Variants in SORCS1 observed in about 807,000 individuals in gnomAD.
The protein encoded by SORCS1 is VPS10 domain-containing receptor SorCS1.
SORCS1 carries 60 observed loss-of-function variants against 146.1 expected under a neutral mutation model. That is an observed-to-expected ratio of 0.41 (90% CI 0.33 to 0.51). The LOEUF (loss-of-function observed/expected upper bound fraction) is 0.51. SORCS1 is among the 20% of genes least tolerant of loss of function. SORCS1 has a pLI of 0.21. For synonymous variants in SORCS1, 637 were observed against 584.0 expected, an observed-to-expected ratio of 1.09 and a Z score of -1.31; for missense variants, 1,352 against 1,487.6, an observed-to-expected ratio of 0.91 and a Z score of 1.50.
At chr10:107,076,523 C>T (rs554908591) in intron 1 of SORCS1, among the ~76,000 whole-genome samples, 2 of 152,226 alleles carry the variant, frequency 1.3e-5, no homozygotes, top group Admixed American at 1.3e-4. Flanking sequence ...AATGTTTAAA[C>T]AAATTTTAAT....
At chr10:107,152,876 G>A (rs1262576447) in intron 1 of SORCS1, among the ~76,000 whole-genome samples, 1 of 151,902 alleles carries the variant, frequency 6.6e-6, no homozygotes, top group African/African-American at 2.4e-5. Context: ...CTCCTGCTTT[G>A]TTTATATGCC....
At chr10:106,678,237 G>A (rs924233561) in intron 12 of SORCS1, among the ~76,000 whole-genome samples, 37 of 152,110 alleles carry the variant, frequency 2.4e-4, no homozygotes, top group Non-Finnish European at 2.4e-4. Flanking sequence ...CCTTGCTTGC[G>A]GTGTTGGAAA....
chr10:106,616,048 C>A (rs1847337463), intron 21 of SORCS1, among the ~76,000 whole-genome samples: 1 of 152,174 alleles, frequency 6.6e-6, no homozygotes, highest in Non-Finnish European at 1.5e-5. Context: ...GCAAAGTCTT[C>A]ATCAATGTCA....
intron 1 of SORCS1, among the ~76,000 whole-genome samples, chr10:107,049,569 T>C (rs1959912478): frequency 6.6e-6 from 1 of 152,298 alleles, no homozygotes; most frequent in East Asian, 1.9e-4. Context: ...ACATTTCTAT[T>C]ACTGGGAAAC....
chr10:106,679,303 C>A lies in SORCS1; in HGVS notation c.1693G>T (p.Asp565Tyr). 2 of 1,613,340 alleles carry A rather than the reference C, an allele frequency of 1.2e-6. No homozygotes were observed. Among genetic ancestry groups the A allele is most frequent in the South Asian group, 2.2e-5 (2 of 90,992 alleles). ...GNIGSELSDT[D>Y]ISMFVSSDAG... ...TCTGAAGAGACAAACATGCTGATGTCAGTGTCTGACAATTCAGAACCTATA... is the reference window on the plus strand; with the variant it reads ...TCTGAAGAGACAAACATGCTGATGTAAGTGTCTGACAATTCAGAACCTATA... The change falls in exon 12 of 26, where the codon GAC (aspartate) becomes TAC (tyrosine). Residue 565 changes from aspartate to tyrosine, a missense_variant. Coordinates refer to ENST00000263054, the MANE Select transcript of SORCS1 (RefSeq NM_052918.5).
intron 3 of SORCS1, among the ~76,000 whole-genome samples, chr10:106,828,949 C>T (rs1948416300): frequency 6.6e-6 from 1 of 152,114 alleles, no homozygotes; most frequent in African/African-American, 2.4e-5. Flanking sequence ...TATTTCTTTC[C>T]TCTGAATCTC....
intron 5 of SORCS1, among the ~76,000 whole-genome samples, chr10:106,759,410 T>C (rs746227366): frequency 6.6e-6 from 1 of 152,232 alleles, no homozygotes; most frequent in Non-Finnish European, 1.5e-5. Context: ...GTAAAAATCT[T>C]GAAACAACCT....
At chr10:106,891,118 G>GT (rs1951213283) in intron 2 of SORCS1, among the ~76,000 whole-genome samples, 1 of 151,992 alleles carries the variant, frequency 6.6e-6, no homozygotes, top group African/African-American at 2.4e-5. Flanking sequence ...CATGGTTCCC[G>GT]TATTACTTTA....
chr10:106,808,565 T>C (rs557843424), intron 3 of SORCS1, among the ~76,000 whole-genome samples: 201 of 152,186 alleles, frequency 1.3e-3, no homozygotes, highest in African/African-American at 4.4e-3. Flanking sequence ...TGCAGTGGCG[T>C]GATCTCGGCT....
At chr10:106,611,161 G>A (rs1846960702) in intron 22 of SORCS1, among the ~76,000 whole-genome samples, 1 of 152,006 alleles carries the variant, frequency 6.6e-6, no homozygotes. Flanking sequence ...AGTGACATTT[G>A]CTCAGGGAAG....
rs200548714 is a variant in SORCS1 at position 106,597,327 on chromosome 10, G to A, written c.3265+24C>T. On this transcript the variant is annotated intron_variant, in intron 24 of 25. Coordinates refer to ENST00000263054, the MANE Select transcript of SORCS1 (RefSeq NM_052918.5). ...TTCCCTTTGCCAGAGCCACCAGCCA[G>A]AACCCCGGGACATGGACACTGACCC... is the stretch of plus-strand genomic sequence containing the variant. 2.6e-4 allele frequency: 423 copies of A among 1,605,560 alleles called. 4 individuals carry two copies. In the African/African-American group the frequency reaches 4.4e-3, roughly 17 times the overall value.
chr10:107,078,866 A>G (rs983653265), intron 1 of SORCS1, among the ~76,000 whole-genome samples: 1 of 152,218 alleles, frequency 6.6e-6, no homozygotes, highest in African/African-American at 2.4e-5. Context: ...CAGCTGTCAC[A>G]TTTTATCTTA....
At chr10:106,654,887 G>T (rs1309575418) in intron 17 of SORCS1, among the ~76,000 whole-genome samples, 1 of 151,570 alleles carries the variant, frequency 6.6e-6, no homozygotes, top group Non-Finnish European at 1.5e-5. Flanking sequence ...GTCTCGCTCT[G>T]TTGCCCAGGC....
intron 1 of SORCS1, among the ~76,000 whole-genome samples, chr10:107,119,623 G>A (rs188256506): frequency 6.6e-6 from 1 of 152,222 alleles, no homozygotes; most frequent in Admixed American, 6.5e-5. Flanking sequence ...TCTTTGGCCA[G>A]GGAAAAAGTT....
intron 2 of SORCS1, among the ~76,000 whole-genome samples, chr10:106,946,484 G>C (rs966087273): frequency 1.3e-5 from 2 of 152,202 alleles, no homozygotes; most frequent in Admixed American, 6.5e-5. Context: ...AGATCTGATG[G>C]TTTTATAAAT....
intron 2 of SORCS1, among the ~76,000 whole-genome samples, chr10:106,919,938 T>C (rs936910870): frequency 2.6e-5 from 4 of 152,180 alleles, no homozygotes; most frequent in Admixed American, 6.5e-5. Flanking sequence ...ATATACCTGA[T>C]TGGTTTAACA....
intron 24 of SORCS1, among the ~76,000 whole-genome samples, chr10:106,580,029 T>A (rs1844809981): frequency 6.6e-6 from 1 of 152,052 alleles, no homozygotes; most frequent in Admixed American, 6.6e-5. Flanking sequence ...TAAAACCACC[T>A]GCAGGAATAC....
At chr10:106,795,091 G>GT (rs1379374887) in intron 3 of SORCS1, among the ~76,000 whole-genome samples, 9 of 152,168 alleles carry the variant, frequency 5.9e-5, no homozygotes, top group Admixed American at 2.0e-4. Context: ...CACAATGAAT[G>GT]TAGCATTTTC....
chr10:106,923,051 C>G (rs1952796809), intron 2 of SORCS1, among the ~76,000 whole-genome samples: 1 of 152,082 alleles, frequency 6.6e-6, no homozygotes, highest in Non-Finnish European at 1.5e-5. Flanking sequence ...CCACCACACC[C>G]AGCTAATTTT....
Sources: gnomAD v4.1 joint callset for allele counts (sites outside exome capture counted in the v4.1 genomes callset) on GRCh38, gnomAD v4.1.1 for gene constraint, MANE v1.5 for transcripts, NCBI Gene and HGNC (gene_info 2026-07-23, HGNC 2026-07-21) for gene names.